Variants in EZH1 observed in about 807,000 individuals in gnomAD.
The protein encoded by EZH1 is enhancer of zeste 1 polycomb repressive complex 2 subunit, also known as histone-lysine N-methyltransferase EZH1.
EZH1 carries 33 observed loss-of-function variants against 100.5 expected under a neutral mutation model. The observed-to-expected ratio is 0.33, with a 90% CI of 0.25 to 0.44. The LOEUF is 0.44. EZH1 is among the 20% of genes least tolerant of loss of function. EZH1 has a pLI of 1.00. For synonymous variants in EZH1, 272 were observed against 313.8 expected (o/e 0.87, Z 1.41); for missense variants, 475 against 928.4 (o/e 0.51, Z 6.35).
In EZH1 at chr17:42,712,421, G is replaced by A. The variant is rs767764363; in HGVS notation, c.1269C>T (p.Cys423=). 28 of 1,614,042 alleles carry A rather than the reference G, an allele frequency of 1.7e-5. No homozygotes were observed. Among genetic ancestry groups the A allele is most frequent in the South Asian group, 1.2e-4 (11 of 91,090 alleles). Residue 423 remains cysteine (C), a synonymous_variant, in exon 12 of 21, where the codon TGC becomes TGT. Coordinates refer to ENST00000428826, the MANE Select transcript of EZH1 (RefSeq NM_001991.5). ...CAGGCTCCGAGGGTGCTTCCACTACGCAGAGTTGAGGTGGGGCTGGACTAG... is the reference window on the plus strand; with the variant it reads ...CAGGCTCCGAGGGTGCTTCCACTACACAGAGTTGAGGTGGGGCTGGACTAG... ...QKASPAPPQL[C]VVEAPSEPVE...
At chr17:42,737,988 A>T (rs1178728556) in intron 1 of EZH1, among the ~76,000 whole-genome samples, 1 of 152,070 alleles carries the variant, frequency 6.6e-6, no homozygotes, top group Non-Finnish European at 1.5e-5. Flanking sequence ...CATCCTGGGT[A>T]ACACAGTGAA....
chr17:42,722,967 C>G (rs2053745286), intron 5 of EZH1, 52 bp from the exon 6 acceptor site: 2 of 1,585,876 alleles, frequency 1.3e-6, no homozygotes. Context: ...TGCATCTGCT[C>G]TTTCCTATTT....
intron 4 of EZH1, among the ~76,000 whole-genome samples, chr17:42,726,051 G>T (rs1282871717): frequency 1.3e-5 from 2 of 151,468 alleles, no homozygotes; most frequent in Non-Finnish European, 2.9e-5. Flanking sequence ...GCCAATTTTT[G>T]TATTTTTAGT....
At chr17:42,715,723 T>C (rs1046074383) in intron 10 of EZH1, among the ~76,000 whole-genome samples, 7 of 151,900 alleles carry the variant, frequency 4.6e-5, no homozygotes, top group Non-Finnish European at 7.4e-5. Flanking sequence ...ATTTTAAAAG[T>C]GATAGAATTA....
chr17:42,740,759 C>T (rs2054161766), intron 1 of EZH1, among the ~76,000 whole-genome samples: 1 of 152,192 alleles, frequency 6.6e-6, no homozygotes. Flanking sequence ...GTATTTAGTG[C>T]CTGCTCATAT....
In EZH1 at chr17:42,718,708, T is replaced by C; in HGVS notation, c.768-91A>G. The C allele has an allele frequency of 7.1e-7, 1 of 1,400,126 alleles. No homozygotes were observed. Among genetic ancestry groups the C allele is most frequent in the Non-Finnish European group, 9.9e-7 (1 of 1,011,622 alleles). 86.7% of individuals were successfully genotyped at this position (1,400,126 alleles called of 1,614,324 possible). A position where few individuals can be genotyped will look rare whatever the true frequency, so the allele number is the denominator to read the frequency against. On this transcript the variant is annotated intron_variant, in intron 8 of 20. Coordinates refer to ENST00000428826, the MANE Select transcript of EZH1 (RefSeq NM_001991.5). The surrounding 1 kb of genome is among the most constrained non-coding windows in gnomAD (Gnocchi z 4.2). ...GGTACTGACAGTAGCTCACCTACGG[T>C]CTGCCAAGGGAGGATGGGTGTTTTT...
chr17:42,723,480 A>C (rs2053758220), intron 5 of EZH1, among the ~76,000 whole-genome samples: 1 of 152,208 alleles, frequency 6.6e-6, no homozygotes, highest in Non-Finnish European at 1.5e-5. Context: ...GGGCAATCAT[A>C]AGACATGGGT....
chr17:42,709,021 G>A lies in EZH1; in HGVS notation c.1494-105C>T, dbSNP rs1182898652. 2.2e-5 allele frequency: 29 copies of A among 1,307,822 alleles called. No homozygotes were observed. The Admixed American group carries it at 4.9e-4, about 22-fold the overall frequency. 81.0% of individuals were successfully genotyped at this position (1,307,822 alleles called of 1,614,324 possible). A position where few individuals can be genotyped will look rare whatever the true frequency, so the allele number is the denominator to read the frequency against. ...CTCTGAGGGACTGTGTTTGATGACT[G>A]GGGAGTATCTTCCCAAACCCCTCAA... On this transcript the variant is annotated intron_variant, in intron 13 of 20. Coordinates refer to ENST00000428826, the MANE Select transcript of EZH1 (RefSeq NM_001991.5).
At chr17:42,708,801 G>A in intron 14 of EZH1, 75 bp downstream of exon 14, 2 of 1,495,168 alleles carry the variant, frequency 1.3e-6, no homozygotes, top group Non-Finnish European at 1.9e-6. Context: ...AAGTGCAGCT[G>A]GAGGTGGGGT....
chr17:42,710,565 G>A (rs953879803), intron 12 of EZH1, among the ~76,000 whole-genome samples: 6 of 151,562 alleles, frequency 4.0e-5, no homozygotes, highest in Middle Eastern at 6.8e-3. Flanking sequence ...TGTGATCAGG[G>A]AAATAGGTAT....
intron 20 of EZH1, 119 bp from the exon 21 acceptor site, chr17:42,702,711 C>G (rs2053268908): frequency 7.0e-6 from 9 of 1,285,694 alleles, no homozygotes; most frequent in Non-Finnish European, 1.0e-5. Flanking sequence ...ACAATGGTCC[C>G]ACTTCTGAGG....
rs1240305423 is a variant in EZH1 at position 42,715,136 on chromosome 17, TTTATATA to T, written c.1024-1754_1024-1748del. ...TATTATATATAATAGATTATATGTA[TTTATATA>T]TTATATATTATAGATTATATGTATT... On this transcript the variant is annotated intron_variant, in intron 10 of 20. Coordinates refer to ENST00000428826, the MANE Select transcript of EZH1 (RefSeq NM_001991.5). Among the ~76,000 whole-genome samples, 191 of 140,310 alleles carry T rather than the reference TTTATATA, an allele frequency of 1.4e-3. 1 individual carries two copies. The highest frequency in any genetic ancestry group is 4.8e-3 in the African/African-American group (182 of 38,202). 92.0% of individuals were successfully genotyped at this position (140,310 alleles called of 152,430 possible). A position where few individuals can be genotyped will look rare whatever the true frequency, so the allele number is the denominator to read the frequency against.
At chr17:42,714,921 AATTTATATAAATATAAAATATAT>A (rs1375623228) in intron 10 of EZH1, among the ~76,000 whole-genome samples, 5 of 138,522 alleles carry the variant, frequency 3.6e-5, no homozygotes, top group Non-Finnish European at 6.1e-5. Context: ...ATAATTATAT[AATTTATATAAATATAAAATATAT>A]ATTTATATAA....
At chr17:42,723,061 G>A in intron 5 of EZH1, 146 bp from the exon 6 acceptor site, 2 of 1,274,982 alleles carry the variant, frequency 1.6e-6, no homozygotes, top group South Asian at 1.6e-5. Context: ...TTTAAACACT[G>A]GCCATTTTGT....
intron 1 of EZH1, among the ~76,000 whole-genome samples, chr17:42,740,245 T>TC (rs1473205426): frequency 1.4e-5 from 2 of 145,844 alleles, no homozygotes; most frequent in East Asian, 4.0e-4. Context: ...GACAAGATCT[T>TC]TTTTTTTTTT....
At chr17:42,722,298 CTGAG>C (rs778333038) in intron 6 of EZH1, among the ~76,000 whole-genome samples, 14 of 150,554 alleles carry the variant, frequency 9.3e-5, no homozygotes, top group Non-Finnish European at 1.6e-4. Context: ...GCCTGGGTGA[CTGAG>C]TGAGTCCCTG....
At chr17:42,726,652 C>T (rs903149681) in intron 4 of EZH1, among the ~76,000 whole-genome samples, 1 of 150,384 alleles carries the variant, frequency 6.6e-6, no homozygotes, top group Non-Finnish European at 1.5e-5. Context: ...GCTGGGATTA[C>T]AGAAGTGTGC....
At chr17:42,704,940 A>G in intron 17 of EZH1, 148 bp downstream of exon 17, 2 of 698,510 alleles carry the variant, frequency 2.9e-6, no homozygotes, top group South Asian at 3.7e-5. Flanking sequence ...AGTACTGCAA[A>G]CGGTTCTGTG....
intron 20 of EZH1, 124 bp downstream of exon 20, chr17:42,702,753 G>C: frequency 7.8e-7 from 1 of 1,276,208 alleles, no homozygotes; most frequent in South Asian, 1.2e-5. Flanking sequence ...AAGGGACACA[G>C]CCTTATTCAC....
Sources: gnomAD v4.1 joint callset for allele counts (sites outside exome capture counted in the v4.1 genomes callset) on GRCh38, gnomAD v4.1.1 for gene constraint, Gnocchi (gnomAD v3.1) non-coding constraint, MANE v1.5 for transcripts, NCBI Gene and HGNC (gene_info 2026-07-23, HGNC 2026-07-21) for gene names.